The following SH3BGRL2 variants were observed in gnomAD, a reference collection of about 807,000 sequenced individuals.
SH3BGRL2 encodes the protein SH3 domain-binding glutamic acid-rich-like protein 2.
SH3BGRL2 carries 21 observed loss-of-function variants against 14.8 expected under a neutral mutation model. That is an observed-to-expected ratio of 1.42 (90% CI 1.01 to 2.05). The LOEUF (loss-of-function observed/expected upper bound fraction) is 2.05, where lower values mean the gene tolerates loss of function less well. SH3BGRL2 is among the 30% of genes most tolerant of loss of function. The pLI is 0.00. For missense variants in SH3BGRL2, 147 were observed against 130.8 expected (o/e 1.12, Z -0.61); for synonymous variants, 50 against 47.8 (o/e 1.05, Z -0.19).
At chr6:79,670,088 A>G (rs1769743121) in intron 1 of SH3BGRL2, among the ~76,000 whole-genome samples, 2 of 152,236 alleles carry the variant, frequency 1.3e-5, no homozygotes, top group African/African-American at 4.8e-5. Context: ...TATGTGAGTG[A>G]ATGGGTGTTG....
At chr6:79,695,838 A>G (rs898270731) in intron 2 of SH3BGRL2, among the ~76,000 whole-genome samples, 1 of 152,254 alleles carries the variant, frequency 6.6e-6, no homozygotes, top group African/African-American at 2.4e-5. Flanking sequence ...TTTTGAAAAG[A>G]AACAGTTGAA....
At chr6:79,669,596 C>T (rs1769731756) in intron 1 of SH3BGRL2, among the ~76,000 whole-genome samples, 1 of 151,850 alleles carries the variant, frequency 6.6e-6, no homozygotes, top group African/African-American at 2.4e-5. Flanking sequence ...AGGCATGCAC[C>T]ACCACGCCTG....
chr6:79,552,516 G>A, the SH3BGRL2 span, among the ~76,000 whole-genome samples: 1 of 152,008 alleles, frequency 6.6e-6, no homozygotes, highest in Admixed American at 6.6e-5. Flanking sequence ...CAGTTTTTGT[G>A]TCTACTCAAC....
At chr6:79,591,027 C>T in the SH3BGRL2 span, among the ~76,000 whole-genome samples, 50 of 152,254 alleles carry the variant, frequency 3.3e-4, no homozygotes, top group African/African-American at 1.2e-3. Flanking sequence ...GCTTTATACT[C>T]TACTTACAGA....
the SH3BGRL2 span, among the ~76,000 whole-genome samples, chr6:79,560,784 G>A: frequency 6.6e-6 from 1 of 150,850 alleles, no homozygotes; most frequent in Non-Finnish European, 1.5e-5. Flanking sequence ...ATTGAATGCA[G>A]GCCACATATA....
At chr6:79,680,802 C>G (rs922026889) in intron 2 of SH3BGRL2, among the ~76,000 whole-genome samples, 1 of 151,784 alleles carries the variant, frequency 6.6e-6, no homozygotes, top group Non-Finnish European at 1.5e-5. Context: ...AGGTTTATTC[C>G]TACTTTATTA....
chr6:79,688,858 T>C (rs1221757013), intron 2 of SH3BGRL2, among the ~76,000 whole-genome samples: 1 of 152,164 alleles, frequency 6.6e-6, no homozygotes, highest in East Asian at 1.9e-4. Flanking sequence ...ATCTACTTTT[T>C]GCTTAAACAT....
intron 1 of SH3BGRL2, among the ~76,000 whole-genome samples, chr6:79,659,177 C>T (rs553676437): frequency 6.6e-6 from 1 of 152,174 alleles, no homozygotes; most frequent in East Asian, 1.9e-4. Context: ...CTTTTGTTGC[C>T]ATTACTTTTG....
the SH3BGRL2 span, among the ~76,000 whole-genome samples, chr6:79,613,610 C>CA: frequency 6.6e-6 from 1 of 151,202 alleles, no homozygotes; most frequent in Non-Finnish European, 1.5e-5. Flanking sequence ...AAAAGGAACT[C>CA]TTTTTTTTTC....
the SH3BGRL2 span, among the ~76,000 whole-genome samples, chr6:79,583,376 C>T: frequency 6.6e-6 from 1 of 152,260 alleles, no homozygotes; most frequent in African/African-American, 2.4e-5. Context: ...AGACTTGGAA[C>T]CAACCCAAAT....
intron 1 of SH3BGRL2, among the ~76,000 whole-genome samples, chr6:79,643,304 G>T (rs1353133568): frequency 6.6e-6 from 1 of 152,066 alleles, no homozygotes; most frequent in Non-Finnish European, 1.5e-5. Flanking sequence ...CACCAGAAGA[G>T]CCCCTGACCA....
chr6:79,678,045 C>G (rs145329404), intron 2 of SH3BGRL2, among the ~76,000 whole-genome samples: 1 of 152,118 alleles, frequency 6.6e-6, no homozygotes, highest in East Asian at 1.9e-4. Flanking sequence ...AGGAAAATAC[C>G]TACTCCCCTT....
At chr6:79,607,285 T>G in the SH3BGRL2 span, among the ~76,000 whole-genome samples, 1 of 152,002 alleles carries the variant, frequency 6.6e-6, no homozygotes, top group Admixed American at 6.6e-5. Flanking sequence ...AAACTAGAAG[T>G]CTAGTGGCCA....
At chr6:79,544,975 C>T in the SH3BGRL2 span, among the ~76,000 whole-genome samples, 3 of 152,192 alleles carry the variant, frequency 2.0e-5, no homozygotes, top group African/African-American at 4.8e-5. Context: ...GAAGAAGCTA[C>T]AGAAACTACT....
At chr6:79,691,532 T>G (rs1299206383) in intron 2 of SH3BGRL2, among the ~76,000 whole-genome samples, 1 of 125,714 alleles carries the variant, frequency 8.0e-6, no homozygotes, top group Non-Finnish European at 1.6e-5. Flanking sequence ...CAGTCCCCGG[T>G]GTGTGACGTT....
In SH3BGRL2 at chr6:79,701,258, T is replaced by G. The variant is rs1438511013; in HGVS notation, c.*1749T>G. The G allele has an allele frequency of 6.6e-6, 1 of 152,220 alleles. No individual in the cohort carries two copies. Among genetic ancestry groups the G allele is most frequent in the Non-Finnish European group, 1.5e-5 (1 of 68,040 alleles). 9.4% of individuals were successfully genotyped at this position (152,220 alleles called of 1,614,324 possible). ...AATCCCAGGGACTATCCAGGAATTTTTTTTTAACTGGATATTGTGTTTGAG... is the reference window on the plus strand; with the variant it reads ...AATCCCAGGGACTATCCAGGAATTTGTTTTTAACTGGATATTGTGTTTGAG... On this transcript the variant is annotated 3_prime_UTR_variant, in exon 4 of 4. Coordinates refer to ENST00000369838, the MANE Select transcript of SH3BGRL2 (RefSeq NM_031469.4).
the SH3BGRL2 span, among the ~76,000 whole-genome samples, chr6:79,623,606 G>A: frequency 6.6e-6 from 1 of 152,242 alleles, no homozygotes; most frequent in Non-Finnish European, 1.5e-5. Flanking sequence ...AGATGGAGAT[G>A]GACACAAAGA....
intron 1 of SH3BGRL2, among the ~76,000 whole-genome samples, chr6:79,668,594 A>G (rs1769708977): frequency 6.6e-6 from 1 of 152,054 alleles, no homozygotes; most frequent in South Asian, 2.1e-4. Flanking sequence ...GAGCTCCTGA[A>G]GTTAGTGGGG....
chr6:79,557,598 C>T, the SH3BGRL2 span, among the ~76,000 whole-genome samples: 2 of 152,014 alleles, frequency 1.3e-5, no homozygotes, highest in Admixed American at 6.6e-5. Context: ...TGTTCCCATC[C>T]CAATATCATG....
Sources: allele counts gnomAD v4.1 joint callset (sites outside exome capture counted in the v4.1 genomes callset), GRCh38; gene constraint gnomAD v4.1.1; transcripts MANE v1.5; gene names NCBI Gene and HGNC (gene_info 2026-07-23, HGNC 2026-07-21).